The following HAAO variants were observed in gnomAD, a reference collection of about 807,000 sequenced individuals.
The protein encoded by HAAO is 3-hydroxyanthranilate 3,4-dioxygenase, also known as 3-hydroxyanthranilate oxygenase.
In HAAO, 49 loss-of-function variants were observed where a neutral mutation model predicts 46.2. The ratio of observed to expected loss-of-function variants is 1.06; its 90% CI spans 0.84 to 1.34. The LOEUF is 1.34. Among genes scored for constraint, HAAO ranks in the 40% most tolerant of loss-of-function variants. HAAO has a pLI of 0.00. For synonymous variants in HAAO, 157 were observed against 145.2 expected (o/e 1.08, Z -0.58); for missense variants, 408 against 364.5 (o/e 1.12, Z -0.97).
chr2:42,785,438 G>A (rs776026951), intron 2 of HAAO, among the ~76,000 whole-genome samples: 3 of 152,226 alleles, frequency 2.0e-5, no homozygotes, highest in Non-Finnish European at 2.9e-5. Context: ...GCTTTAGTTT[G>A]TAGCAATACA....
At chr2:42,769,569 A>ATGTGTGTGTGTGTGTG (rs35746707) in intron 7 of HAAO, 144 bp downstream of exon 7, 12 of 588,708 alleles carry the variant, frequency 2.0e-5, no homozygotes, top group East Asian at 3.2e-5. Flanking sequence ...AACCTCTGAA[A>ATGTGTGTGTGTGTGTG]TGTGTGTGTG....
intron 4 of HAAO, among the ~76,000 whole-genome samples, chr2:42,780,452 C>T (rs948190152): frequency 1.3e-4 from 20 of 151,766 alleles, no homozygotes; most frequent in East Asian, 2.0e-4. Context: ...GTGATCCACC[C>T]GCCTCGGCTT....
chr2:42,773,955 C>T (rs916778383), intron 4 of HAAO, among the ~76,000 whole-genome samples: 1 of 152,198 alleles, frequency 6.6e-6, no homozygotes, highest in Non-Finnish European at 1.5e-5. Flanking sequence ...CTGATTGCCT[C>T]CTCTGGAGAG....
chr2:42,783,145 A>T, intron 4 of HAAO, 169 bp downstream of exon 4: 1 of 596,444 alleles, frequency 1.7e-6, no homozygotes, highest in African/African-American at 1.9e-5. Context: ...CTCCACCATC[A>T]GCCAACAAAG....
intron 1 of HAAO, among the ~76,000 whole-genome samples, chr2:42,789,317 A>C (rs1041993704): frequency 5.3e-5 from 8 of 152,186 alleles, no homozygotes; most frequent in Non-Finnish European, 1.2e-4. Context: ...GTGGTGGCTC[A>C]TGCCTGTAAT....
At chr2:42,774,041 G>C (rs1027038933) in intron 4 of HAAO, among the ~76,000 whole-genome samples, 3 of 152,164 alleles carry the variant, frequency 2.0e-5, no homozygotes, top group African/African-American at 7.2e-5. Context: ...TCCCTGCTTT[G>C]AGTCATCCTG....
At chr2:42,777,491 T>C (rs1671674551) in intron 4 of HAAO, among the ~76,000 whole-genome samples, 1 of 152,092 alleles carries the variant, frequency 6.6e-6, no homozygotes, top group Non-Finnish European at 1.5e-5. Context: ...TTAACTAAAC[T>C]AAGTGCCTCT....
chr2:42,781,153 C>G (rs1671967663), intron 4 of HAAO, among the ~76,000 whole-genome samples: 1 of 152,098 alleles, frequency 6.6e-6, no homozygotes, highest in Admixed American at 6.6e-5. Flanking sequence ...CCTGATTTCT[C>G]CAGAATTTGG....
intron 2 of HAAO, among the ~76,000 whole-genome samples, chr2:42,785,972 G>A (rs1672351545): frequency 6.6e-6 from 1 of 150,832 alleles, no homozygotes; most frequent in South Asian, 2.1e-4. Flanking sequence ...ATTTCAGTAT[G>A]CTCTCCTCCC....
chr2:42,791,886 G>A (rs899434341), intron 1 of HAAO, among the ~76,000 whole-genome samples: 1 of 143,998 alleles, frequency 6.9e-6, no homozygotes, highest in African/African-American at 2.6e-5. Context: ...TGCAGGCAGA[G>A]GCTACTGGCA....
rs536030788 is a variant in HAAO, at chr2:42,778,531, A to G, written c.350+4783T>C. On this transcript the variant is annotated intron_variant, in intron 4 of 9. Coordinates refer to ENST00000294973, the MANE Select transcript of HAAO (RefSeq NM_012205.3). ...TTTTTAGTAGAGATGAGGTTTCACCATGTTGGCCAGGCTGGTCTGAAACTC... is the reference window on the plus strand; with the variant it reads ...TTTTTAGTAGAGATGAGGTTTCACCGTGTTGGCCAGGCTGGTCTGAAACTC... Among the ~76,000 whole-genome samples, 7 of 152,182 alleles carry G rather than the reference A, an allele frequency of 4.6e-5. No homozygotes were observed. In the South Asian group the frequency reaches 1.5e-3, roughly 32 times the overall value.
chr2:42,773,829 A>C (rs1671337070), intron 4 of HAAO, among the ~76,000 whole-genome samples: 2 of 152,144 alleles, frequency 1.3e-5, no homozygotes, highest in South Asian at 4.1e-4. Flanking sequence ...TGACCTCGTG[A>C]TCCACCCGCC....
intron 1 of HAAO, chr2:42,788,936 G>A: frequency 3.0e-6 from 1 of 333,558 alleles, no homozygotes; most frequent in Non-Finnish European, 5.7e-6. Context: ...AATTACAGGA[G>A]AGTAGCAAAT....
At chr2:42,780,211 A>ATT (rs58338551) in intron 4 of HAAO, among the ~76,000 whole-genome samples, 23,520 of 137,548 alleles carry the variant, frequency 0.17, 3,509 homozygotes, top group African/African-American at 0.38. Flanking sequence ...TTTTTTTTTA[A>ATT]TTTTTTTTTT....
rs749460791 is a variant in HAAO at position 42,767,535 on chromosome 2, C to T, written c.783-20G>A. On this transcript the variant is annotated intron_variant, in intron 9 of 9. Transcript: ENST00000294973. Reference sequence around the variant, plus strand: ...GCATACCTGTGGACACACAGATGAGCAGGGATCACACAGAGTTGGACCCTG... The same window carrying T: ...GCATACCTGTGGACACACAGATGAGTAGGGATCACACAGAGTTGGACCCTG... 12 of 1,605,520 alleles carry T rather than the reference C, an allele frequency of 7.5e-6. No homozygotes were observed. Among genetic ancestry groups the T allele is most frequent in the South Asian group, 6.7e-5 (6 of 89,588 alleles).
intron 4 of HAAO, among the ~76,000 whole-genome samples, chr2:42,780,406 A>C (rs368233094): frequency 5.9e-4 from 89 of 151,586 alleles, no homozygotes; most frequent in African/African-American, 2.2e-3. Flanking sequence ...TGGGGTTTCA[A>C]CATGTTGGCC....
Position 42,782,045 on chromosome 2 carries a change from A to G in HAAO, c.350+1269T>C, listed in dbSNP as rs1458075364. ...TGATGTTAGATTCTAGTCTTGCCTAATGTTTTTCAATTTTTATTATTTTTC... is the reference window on the plus strand; with the variant it reads ...TGATGTTAGATTCTAGTCTTGCCTAGTGTTTTTCAATTTTTATTATTTTTC... On this transcript the variant is annotated intron_variant, in intron 4 of 9. Coordinates refer to ENST00000294973, the MANE Select transcript of HAAO (RefSeq NM_012205.3). Among the ~76,000 whole-genome samples, 5 of 152,180 alleles carry G rather than the reference A, an allele frequency of 3.3e-5. No homozygotes were observed. In the East Asian group the frequency reaches 9.6e-4, roughly 29 times the overall value.
chr2:42,786,735 G>A (rs1672414321), intron 2 of HAAO, among the ~76,000 whole-genome samples: 1 of 152,196 alleles, frequency 6.6e-6, no homozygotes, highest in African/African-American at 2.4e-5. Flanking sequence ...GTGGAGTATA[G>A]GTGGTAGGTG....
intron 4 of HAAO, among the ~76,000 whole-genome samples, chr2:42,780,126 C>T (rs28767022): frequency 0.16 from 24,023 of 151,944 alleles, 3,106 homozygotes; most frequent in African/African-American, 0.33. Context: ...AACTTTTTGT[C>T]ATTCACAGAA....
Sources: gnomAD v4.1 joint callset for allele counts (sites outside exome capture counted in the v4.1 genomes callset) on GRCh38, gnomAD v4.1.1 for gene constraint, MANE v1.5 for transcripts, NCBI Gene and HGNC (gene_info 2026-07-23, HGNC 2026-07-21) for gene names.